Variants in NOC4L observed in about 807,000 individuals in gnomAD.
The protein encoded by NOC4L is nucleolar complex protein 4 homolog.
Under a neutral mutation model 62.8 loss-of-function variants are expected in NOC4L, and 40 were observed. The ratio of observed to expected loss-of-function variants is 0.64; its 90% CI spans 0.49 to 0.83. The LOEUF is 0.83. NOC4L is among the 40% of genes least tolerant of loss of function. The probability of loss-of-function intolerance (pLI) is 0.00; values close to 1 mark genes in which losing one functional copy is unlikely to be tolerated. For missense variants in NOC4L, 927 were observed against 701.9 expected (o/e 1.32, Z -3.62); for synonymous variants, 433 against 299.8 (o/e 1.44, Z -4.59).
intron 3 of NOC4L, among the ~76,000 whole-genome samples, chr12:132,147,045 C>T (rs372723413): frequency 2.6e-5 from 4 of 152,232 alleles, no homozygotes; most frequent in African/African-American, 4.8e-5. Flanking sequence ...ACCCTTCCCC[C>T]GCCAGACTCT....
intron 3 of NOC4L, chr12:132,146,243 C>T (rs1481856142): frequency 8.8e-6 from 4 of 455,856 alleles, no homozygotes; most frequent in African/African-American, 4.0e-5. Flanking sequence ...TTTTTAGACG[C>T]TCCTCATAAG....
intron 11 of NOC4L, 43 bp downstream of exon 11, chr12:132,151,411 G>A: frequency 1.2e-6 from 2 of 1,602,654 alleles, no homozygotes; most frequent in African/African-American, 1.3e-5. Flanking sequence ...CTGTGCGGCT[G>A]CAGCCTGGGG....
At chr12:132,145,309 G>C (rs1326967519) in intron 2 of NOC4L, among the ~76,000 whole-genome samples, 3 of 152,250 alleles carry the variant, frequency 2.0e-5, no homozygotes, top group Non-Finnish European at 4.4e-5. Context: ...GGAGTAAAGA[G>C]AGGGGATGTG....
intron 3 of NOC4L, among the ~76,000 whole-genome samples, chr12:132,146,729 G>A (rs779153019): frequency 2.5e-4 from 38 of 152,162 alleles, no homozygotes; most frequent in Non-Finnish European, 4.3e-4. Context: ...CTGTCAACAC[G>A]GGGTCTAAGT....
rs780432206 is a variant in NOC4L, at chr12:132,148,082, C to G, written c.714C>G (p.Asp238Glu). 1.2e-6 allele frequency: 2 copies of G among 1,613,486 alleles called. No individual in the cohort carries two copies. The highest frequency in any genetic ancestry group is 1.3e-5 in the African/African-American group (1 of 75,042). ...SFYVKRAELWDTWKVAHLKEH... is the reference protein window; with the variant it reads ...SFYVKRAELWETWKVAHLKEH... ...TCGCTTTCCCTGCAGAGCTGTGGGA[C>G]ACCTGGAAGGTTGCTCACCTGAAGG... The change falls in exon 7 of 15, where the codon GAC (aspartate) becomes GAG (glutamate). Residue 238 changes from aspartate (D) to glutamate (E), a missense_variant. By Grantham distance (45) the Asp-to-Glu change is conservative (BLOSUM62 2). Transcript: ENST00000330579.
At chr12:132,145,507 A>T in intron 2 of NOC4L, 52 bp from the exon 3 acceptor site, 1 of 1,250,862 alleles carries the variant, frequency 8.0e-7, no homozygotes, top group Non-Finnish European at 1.2e-6. Flanking sequence ...GGCTGGGCCC[A>T]GGGTGGCGTA....
rs1283325938 is a variant in NOC4L, at chr12:132,144,705, T to TG, written c.117+106dup. 8.9e-5 allele frequency: 101 copies of TG among 1,134,566 alleles called. No homozygotes were observed. In the African/African-American group the frequency reaches 2.1e-3, roughly 23 times the overall value. 70.3% of individuals were successfully genotyped at this position (1,134,566 alleles called of 1,614,324 possible). On this transcript the variant is annotated intron_variant, in intron 1 of 14. Coordinates refer to ENST00000330579, the MANE Select transcript of NOC4L (RefSeq NM_024078.3). Reference sequence around the variant, plus strand: ...TCCCCAGGAGGTTCCGAGACGGCGTTGGGGGGTCAGGGTGGGAGGCGTGTG... The same window carrying TG: ...TCCCCAGGAGGTTCCGAGACGGCGTTGGGGGGGTCAGGGTGGGAGGCGTGTG...
intron 5 of NOC4L, 29 bp downstream of exon 5, chr12:132,147,811 C>T (rs752203541): frequency 6.2e-7 from 1 of 1,611,396 alleles, no homozygotes; most frequent in Non-Finnish European, 8.5e-7. Context: ...TCGCCAGCAT[C>T]ATGCTGTTGC....
chr12:132,148,917 AC>A, intron 9 of NOC4L, 22 bp downstream of exon 9: 1 of 818,466 alleles, frequency 1.2e-6, no homozygotes, highest in Non-Finnish European at 1.7e-6. Context: ...CGCCTCGCTC[AC>A]ACCACACCCC....
intron 1 of NOC4L, 90 bp downstream of exon 1, chr12:132,144,695 G>T: frequency 1.4e-6 from 2 of 1,450,458 alleles, no homozygotes; most frequent in East Asian, 2.5e-5. Flanking sequence ...AGGAGGTTCC[G>T]AGACGGCGTT....
intron 7 of NOC4L, 60 bp downstream of exon 7, chr12:132,148,166 T>C: frequency 6.4e-7 from 1 of 1,551,154 alleles, no homozygotes; most frequent in East Asian, 2.3e-5. Flanking sequence ...GTGGGGTGCA[T>C]GTGAGACCCC....
At chr12:132,144,820 G>T (rs187880223) in intron 1 of NOC4L, 34 bp from the exon 2 acceptor site, 2 of 1,582,882 alleles carry the variant, frequency 1.3e-6, no homozygotes, top group Non-Finnish European at 1.7e-6. Context: ...GTGACAGTTG[G>T]CGGCCGGGCA....
chr12:132,151,863 C>T (rs773506306), intron 13 of NOC4L, 43 bp downstream of exon 13: 6 of 1,577,714 alleles, frequency 3.8e-6, no homozygotes. Context: ...CCGAGCCATC[C>T]TTCGGCCCCT....
intron 13 of NOC4L, 95 bp downstream of exon 13, chr12:132,151,915 T>C (rs1872994203): frequency 7.4e-7 from 1 of 1,349,720 alleles, no homozygotes; most frequent in Non-Finnish European, 1.0e-6. Context: ...CATAGCCTCA[T>C]GTTGCGTCCC....
Position 132,152,402 on chromosome 12 carries a change from C to G in NOC4L, c.*1C>G. ...TGCCCAGCACTTCACGCTCAGCTGA[C>G]CCTGGCCCACCTGTGAATAAATCTC... On this transcript the variant is annotated 3_prime_UTR_variant, in exon 15 of 15. Coordinates refer to ENST00000330579, the MANE Select transcript of NOC4L (RefSeq NM_024078.3). 1 of 1,572,992 alleles carries G rather than the reference C, an allele frequency of 6.4e-7. No homozygotes were observed. Among genetic ancestry groups the G allele is most frequent in the Non-Finnish European group, 8.6e-7 (1 of 1,156,816 alleles).
intron 7 of NOC4L, 56 bp from the exon 8 acceptor site, chr12:132,148,553 T>C: frequency 2.6e-6 from 4 of 1,541,110 alleles, no homozygotes; most frequent in Non-Finnish European, 2.6e-6. Context: ...TGGCAGCTGC[T>C]CGGGCTCTGG....
At chr12:132,150,779 C>T (rs536836740) in intron 9 of NOC4L, 50 of 605,880 alleles carry the variant, frequency 8.3e-5, no homozygotes, top group East Asian at 7.2e-4. Context: ...ACCCCCACCC[C>T]GCAGCACCTC....
At position 132,148,639 on chromosome 12, in the gene NOC4L, C is replaced by G; in HGVS notation, c.769C>G (p.Leu257Val). The G allele has an allele frequency of 6.5e-7, 1 of 1,547,400 alleles. No homozygotes were observed. Among genetic ancestry groups the G allele is most frequent in the Non-Finnish European group, 8.7e-7 (1 of 1,145,170 alleles). Residue 257 changes from leucine to valine, a missense_variant, in exon 8 of 15, where the codon CTC becomes GTC. Leu to Val is a conservative substitution (Grantham distance 32). Coordinates refer to ENST00000330579, the MANE Select transcript of NOC4L (RefSeq NM_024078.3). ...CAGGAGGGTTTTCCAGGCCATGTGGCTCAGCTTCCTCAAGCACAAGGTAGG... is the reference window on the plus strand; with the variant it reads ...CAGGAGGGTTTTCCAGGCCATGTGGGTCAGCTTCCTCAAGCACAAGGTAGG... ...EHRRVFQAMW[L>V]SFLKHKLPLS...
In NOC4L at chr12:132,148,856, A is replaced by C. The variant is rs763528093; in HGVS notation, c.862A>C (p.Thr288Pro). The C allele has an allele frequency of 1.2e-5, 20 of 1,601,150 alleles. No individual in the cohort carries two copies. Among genetic ancestry groups the C allele is most frequent in the Non-Finnish European group, 1.7e-5 (20 of 1,178,458 alleles). The stretch of plus-strand genomic sequence containing the variant: ...CATCCTGCCGCAGCTGGCGCAGCCC[A>C]CGCTCATGATCGACTTCCTCACCCG... ...DAILPQLAQP[T>P]LMIDFLTRAC... The change falls in exon 9 of 15, where the codon ACG becomes CCG. Residue 288 changes from threonine to proline, a missense_variant. Coordinates refer to ENST00000330579, the MANE Select transcript of NOC4L (RefSeq NM_024078.3).
Sources: allele counts gnomAD v4.1 joint callset (sites outside exome capture counted in the v4.1 genomes callset), GRCh38; gene constraint gnomAD v4.1.1; transcripts MANE v1.5; gene names NCBI Gene and HGNC (gene_info 2026-07-23, HGNC 2026-07-21).